The following PCNX2 variants were observed in gnomAD, a reference collection of about 807,000 sequenced individuals.
PCNX2 encodes the protein pecanex 2, also known as pecanex-like protein 2.
A neutral mutation model predicts 223.8 loss-of-function variants in PCNX2; 168 were observed. The observed-to-expected ratio is 0.75, with a 90% CI of 0.66 to 0.85. PCNX2 has a LOEUF of 0.85. PCNX2 is among the 40% of genes least tolerant of loss of function. PCNX2 has a pLI of 0.00. For synonymous variants in PCNX2, 1,006 were observed against 1,052.6 expected, an observed-to-expected ratio of 0.96 and a Z score of 0.86; for missense variants, 2,507 against 2,675.5, an observed-to-expected ratio of 0.94 and a Z score of 1.39.
intron 1 of PCNX2, among the ~76,000 whole-genome samples, chr1:233,272,703 T>C (rs1660704665): frequency 6.6e-6 from 1 of 152,216 alleles, no homozygotes; most frequent in Admixed American, 6.5e-5. Context: ...GGCATGTTTA[T>C]AGCAGCACAA....
chr1:233,145,051 G>A (rs1486114692), intron 19 of PCNX2, among the ~76,000 whole-genome samples: 1 of 149,764 alleles, frequency 6.7e-6, no homozygotes, highest in South Asian at 2.1e-4. Context: ...TGCAAGCTCC[G>A]TCTCCCGGGT....
intron 21 of PCNX2, among the ~76,000 whole-genome samples, chr1:233,121,338 T>C (rs1010667779): frequency 6.6e-6 from 1 of 152,146 alleles, no homozygotes; most frequent in Admixed American, 6.5e-5. Context: ...ATTCTGAAAT[T>C]TGTATGAAAG....
intron 23 of PCNX2, among the ~76,000 whole-genome samples, chr1:233,088,344 T>G (rs562980317): frequency 5.3e-5 from 8 of 152,304 alleles, no homozygotes; most frequent in Non-Finnish European, 1.0e-4. Context: ...TTTAAGTATG[T>G]TGTACTTTCC....
chr1:233,207,099 A>T (rs1285235700), intron 13 of PCNX2, among the ~76,000 whole-genome samples: 2 of 152,062 alleles, frequency 1.3e-5, no homozygotes, highest in Admixed American at 6.6e-5. Context: ...GGATGCATAG[A>T]AAGGTGGGCT....
chr1:233,020,346 G>T (rs1284209984), intron 26 of PCNX2, among the ~76,000 whole-genome samples: 3 of 152,242 alleles, frequency 2.0e-5, no homozygotes, highest in African/African-American at 7.2e-5. Context: ...CGGAGACACA[G>T]TCAATGAACA....
At chr1:233,196,329 A>G (rs1330167671) in intron 15 of PCNX2, among the ~76,000 whole-genome samples, 2 of 152,178 alleles carry the variant, frequency 1.3e-5, no homozygotes, top group Admixed American at 1.3e-4. Flanking sequence ...TCTAGGTAAG[A>G]CATAAAAAAA....
chr1:233,083,443 C>T (rs1050178385), intron 23 of PCNX2, among the ~76,000 whole-genome samples: 6 of 152,194 alleles, frequency 3.9e-5, no homozygotes, highest in African/African-American at 1.2e-4. Flanking sequence ...TGTAACAGCA[C>T]TCACAGGGGC....
At chr1:233,290,316 T>C (rs1661689728) in intron 1 of PCNX2, among the ~76,000 whole-genome samples, 1 of 152,202 alleles carries the variant, frequency 6.6e-6, no homozygotes, top group African/African-American at 2.4e-5. Flanking sequence ...AACAGACCGA[T>C]GTGTGCAGTT....
intron 15 of PCNX2, among the ~76,000 whole-genome samples, chr1:233,193,773 T>C (rs1680553554): frequency 6.6e-6 from 1 of 152,100 alleles, no homozygotes; most frequent in Non-Finnish European, 1.5e-5. Context: ...GAAATGTTGG[T>C]TCTTTCGTGA....
In PCNX2 at chr1:233,269,738, T is replaced by A. The variant is rs143786446; in HGVS notation, c.154-6575A>T. On this transcript the variant is annotated intron_variant, in intron 1 of 33. Coordinates refer to ENST00000258229, the MANE Select transcript of PCNX2 (RefSeq NM_014801.4). ...AGCATTAATCTGCCAAACATAACAC[T>A]CACACTCAAGTTTGACATTTATATG... Among the ~76,000 whole-genome samples the A allele has an allele frequency of 8.5e-4, 129 of 152,308 alleles. 1 individual carries two copies. Among genetic ancestry groups the A allele is most frequent in the African/African-American group, 2.9e-3 (121 of 41,562 alleles).
intron 23 of PCNX2, chr1:233,087,228 T>TA: frequency 1.0e-6 from 1 of 984,814 alleles, no homozygotes; most frequent in South Asian, 4.7e-5. Context: ...AGATCTGCAA[T>TA]AAAAACCAAG....
chr1:233,276,738 A>G (rs537787319), intron 1 of PCNX2, among the ~76,000 whole-genome samples: 3 of 152,192 alleles, frequency 2.0e-5, no homozygotes, highest in Non-Finnish European at 4.4e-5. Flanking sequence ...CAGAAGTCCC[A>G]CGTTGTTAGC....
At chr1:233,280,711 C>T (rs148809730) in intron 1 of PCNX2, among the ~76,000 whole-genome samples, 31 of 152,262 alleles carry the variant, frequency 2.0e-4, no homozygotes, top group Non-Finnish European at 2.9e-4. Context: ...AGCTTGGTAT[C>T]CAGCAAACAG....
chr1:233,301,872 A>G, the PCNX2 span, among the ~76,000 whole-genome samples: 23 of 149,418 alleles, frequency 1.5e-4, no homozygotes, highest in Middle Eastern at 3.4e-3. Flanking sequence ...GCTCACTGCA[A>G]TCTCTGTCTC....
At chr1:233,226,960 CTTA>C (rs760830063) in intron 10 of PCNX2, among the ~76,000 whole-genome samples, 13 of 152,072 alleles carry the variant, frequency 8.5e-5, no homozygotes, top group Non-Finnish European at 1.5e-4. Flanking sequence ...CTTATTGTAA[CTTA>C]TTATTTCTCA....
At position 233,227,561 on chromosome 1, in the gene PCNX2, A is replaced by G. The variant is rs182603783; in HGVS notation, c.2359-190T>C. On this transcript the variant is annotated intron_variant, in intron 9 of 33. Coordinates refer to ENST00000258229, the MANE Select transcript of PCNX2 (RefSeq NM_014801.4). Reference sequence around the variant, plus strand: ...TCATTCAAACTAAATACTCTAAGAAAAGGATAATGATCAACAAAAAGCGCT... The same window carrying G: ...TCATTCAAACTAAATACTCTAAGAAGAGGATAATGATCAACAAAAAGCGCT... Among the ~76,000 whole-genome samples the G allele has an allele frequency of 4.6e-3, 708 of 152,288 alleles. 7 individuals carry two copies. The highest frequency in any genetic ancestry group is 0.016 in the African/African-American group (670 of 41,548).
At chr1:233,119,786 G>C (rs1205568471) in intron 21 of PCNX2, among the ~76,000 whole-genome samples, 1 of 151,910 alleles carries the variant, frequency 6.6e-6, no homozygotes, top group Non-Finnish European at 1.5e-5. Context: ...TTTGTACTAC[G>C]AAAGACCCTA....
At chr1:233,034,640 A>G (rs533615110) in intron 25 of PCNX2, among the ~76,000 whole-genome samples, 1 of 152,360 alleles carries the variant, frequency 6.6e-6, no homozygotes, top group African/African-American at 2.4e-5. Flanking sequence ...CACACCTGCC[A>G]AGATGGAGGC....
rs990064286 is a variant in PCNX2, at chr1:233,253,222, T to C, written c.1835-434A>G. Among the ~76,000 whole-genome samples, 5 of 152,374 alleles carry C rather than the reference T, an allele frequency of 3.3e-5. No individual in the cohort carries two copies. Among genetic ancestry groups the C allele is most frequent in the African/African-American group, 1.2e-4 (5 of 41,594 alleles). On this transcript the variant is annotated intron_variant, in intron 5 of 33. Transcript: ENST00000258229. This position sits in a 1 kb window ranked among gnomAD's most constrained non-coding sequence, Gnocchi z 4.2. ...GGTCCCCTTTACCATTTATAAATCT[T>C]ATCAGTCTTTCTTCTCACTCTCCAA...
Sources: allele counts gnomAD v4.1 joint callset (sites outside exome capture counted in the v4.1 genomes callset), GRCh38; gene constraint gnomAD v4.1.1; non-coding constraint Gnocchi (gnomAD v3.1); transcripts MANE v1.5; gene names NCBI Gene and HGNC (gene_info 2026-07-23, HGNC 2026-07-21).